Variants in ADGRE1 observed in about 807,000 individuals in gnomAD.
ADGRE1 encodes adhesion G protein-coupled receptor E1.
Under a neutral mutation model 102.7 loss-of-function variants are expected in ADGRE1, and 82 were observed. The observed-to-expected ratio is 0.80, with a 90% confidence interval of 0.67 to 0.96. The LOEUF (loss-of-function observed/expected upper bound fraction) is 0.96, where lower values mean the gene tolerates loss of function less well. ADGRE1 is among the 40% of genes least tolerant of loss of function. The pLI is 0.00. For synonymous variants in ADGRE1, 398 were observed against 399.6 expected (o/e 1.00, Z 0.05); for missense variants, 1,032 against 1,085.3 (o/e 0.95, Z 0.69).
At chr19:6,910,190 T>C (rs1974118800) in intron 10 of ADGRE1, among the ~76,000 whole-genome samples, 1 of 152,108 alleles carries the variant, frequency 6.6e-6, no homozygotes, top group Non-Finnish European at 1.5e-5. Context: ...AAAGTATACA[T>C]TCATCCCTAG....
Position 6,897,042 on chromosome 19 carries a change from T to C in ADGRE1, c.239-107T>C, listed in dbSNP as rs34714136. ...TGACAGAAGAAGTACCAAAGTGAAG[T>C]GCATATGGGATGGGAGATATTGTTT... On this transcript the variant is annotated intron_variant, in intron 3 of 20. Coordinates refer to ENST00000312053, the MANE Select transcript of ADGRE1 (RefSeq NM_001974.5). 2.1e-3 allele frequency: 2,356 copies of C among 1,129,318 alleles called. 51 individuals carry two copies. The African/African-American group carries it at 0.033, about 16-fold the overall frequency. 70.0% of individuals were successfully genotyped at this position (1,129,318 alleles called of 1,614,324 possible).
At chr19:6,902,083 G>T in intron 6 of ADGRE1, 62 bp downstream of exon 6, 1 of 1,589,466 alleles carries the variant, frequency 6.3e-7, no homozygotes, top group Non-Finnish European at 8.6e-7. Context: ...AGCAGTGAGG[G>T]GATTAGGGTG....
rs765451408 is a variant in ADGRE1 at position 6,935,017 on chromosome 19, T to C, written c.2320T>C (p.Trp774Arg). ...CTCCCTTCTCCTGACCTGGACCTTG[T>C]GGATCCTGAGGCAGAGGCTTTCCAG... ...INSLLLTWTL[W>R]ILRQRLSSVN... Residue 774 changes from tryptophan (W) to arginine (R), a missense_variant, in exon 18 of 21, where the codon TGG becomes CGG. Physicochemically the swap from Trp to Arg is moderately radical, Grantham distance 101. Coordinates refer to ENST00000312053, the MANE Select transcript of ADGRE1 (RefSeq NM_001974.5). The C allele has an allele frequency of 8.1e-6, 13 of 1,597,554 alleles. No homozygotes were observed. Among genetic ancestry groups the C allele is most frequent in the Non-Finnish European group, 1.0e-5 (12 of 1,171,264 alleles).
chr19:6,913,695 A>G lies in ADGRE1; in HGVS notation c.1165A>G (p.Thr389Ala), dbSNP rs1368802157. The G allele has an allele frequency of 6.8e-6, 11 of 1,612,522 alleles. No individual in the cohort carries two copies. The African/African-American group carries it at 9.3e-5, about 14-fold the overall frequency. The change falls in exon 11 of 21, where the codon ACG becomes GCG. Residue 389 changes from threonine (T) to alanine (A), a missense_variant. By Grantham distance (58) the Thr-to-Ala change is moderately conservative. Coordinates refer to ENST00000312053, the MANE Select transcript of ADGRE1 (RefSeq NM_001974.5). ...TGTCCCTGTGCTTAAACAAATATCC[A>G]CGTGGACTAAATTCACCAAGGAAGA... Reference protein sequence around the residue: ...SFVPVLKQISTWTKFTKEETS... With the variant: ...SFVPVLKQISAWTKFTKEETS...
chr19:6,910,000 CT>C (rs11333815), intron 10 of ADGRE1, among the ~76,000 whole-genome samples: 22,941 of 152,098 alleles, frequency 0.15, 1,859 homozygotes, highest in Middle Eastern at 0.2. Flanking sequence ...TCCCAAAGTG[CT>C]GGGATTAGAG....
intron 10 of ADGRE1, among the ~76,000 whole-genome samples, chr19:6,911,385 G>GTTTTTTTT (rs772959056): frequency 0.048 from 3,785 of 79,466 alleles, 551 homozygotes; most frequent in Middle Eastern, 0.074. Context: ...ATTCCTTTTA[G>GTTTTTTTT]TTTTTTTTTT....
intron 13 of ADGRE1, among the ~76,000 whole-genome samples, chr19:6,921,511 G>A (rs932490816): frequency 2.0e-5 from 3 of 152,252 alleles, no homozygotes; most frequent in African/African-American, 7.2e-5. Flanking sequence ...GAAAGGAGGA[G>A]TTTTCTTCTA....
At chr19:6,900,214 C>T (rs1973716029) in intron 5 of ADGRE1, among the ~76,000 whole-genome samples, 1 of 151,946 alleles carries the variant, frequency 6.6e-6, no homozygotes, top group Non-Finnish European at 1.5e-5. Flanking sequence ...GTGGCTCACA[C>T]CTGTAATACC....
chr19:6,889,835 G>T (rs1973292059), intron 1 of ADGRE1, among the ~76,000 whole-genome samples: 2 of 150,878 alleles, frequency 1.3e-5, no homozygotes, highest in Non-Finnish European at 2.9e-5. Context: ...AGCTTAAAAA[G>T]ATCTCTTCCT....
At chr19:6,915,363 A>T (rs1181384579) in intron 11 of ADGRE1, among the ~76,000 whole-genome samples, 1 of 152,186 alleles carries the variant, frequency 6.6e-6, no homozygotes, top group Non-Finnish European at 1.5e-5. Context: ...GTATGGTATT[A>T]TCTGGCTTAT....
intron 6 of ADGRE1, among the ~76,000 whole-genome samples, chr19:6,902,809 T>C (rs1370354970): frequency 6.6e-6 from 1 of 152,246 alleles, no homozygotes; most frequent in Non-Finnish European, 1.5e-5. Context: ...TGATCTCAGC[T>C]TACTGCCACC....
intron 17 of ADGRE1, among the ~76,000 whole-genome samples, chr19:6,931,824 A>G (rs1261162290): frequency 6.6e-6 from 1 of 151,950 alleles, no homozygotes; most frequent in African/African-American, 2.4e-5. Context: ...AAGGAACACT[A>G]GTCATATTTC....
intron 5 of ADGRE1, among the ~76,000 whole-genome samples, chr19:6,898,850 G>A (rs1973666370): frequency 6.6e-6 from 1 of 152,024 alleles, no homozygotes; most frequent in African/African-American, 2.4e-5. Flanking sequence ...TTTACTTTGG[G>A]CCTGTGGGTG....
intron 5 of ADGRE1, chr19:6,898,732 T>G: frequency 1.4e-6 from 1 of 717,982 alleles, no homozygotes; most frequent in Non-Finnish European, 2.3e-6. Flanking sequence ...TAATTAAGGG[T>G]CATCTCACTG....
chr19:6,921,191 G>C (rs1056089466), intron 13 of ADGRE1, among the ~76,000 whole-genome samples: 2 of 152,136 alleles, frequency 1.3e-5, no homozygotes, highest in Non-Finnish European at 2.9e-5. Flanking sequence ...GAGGCCCGAG[G>C]CAGGTGAATC....
At chr19:6,939,893 A>G (rs1975600897) in intron 20 of ADGRE1, 131 bp from the exon 21 acceptor site, 1 of 1,105,468 alleles carries the variant, frequency 9.0e-7, no homozygotes, top group Non-Finnish European at 1.3e-6. Flanking sequence ...CGCATTTAAC[A>G]TTTTAGTGTT....
intron 9 of ADGRE1, among the ~76,000 whole-genome samples, chr19:6,906,974 G>A (rs382737): frequency 0.37 from 56,190 of 151,924 alleles, 12,204 homozygotes; most frequent in African/African-American, 0.6. Flanking sequence ...ATAAAAGAAC[G>A]GGAGAATATA....
At position 6,898,286 on chromosome 19, in the gene ADGRE1, T is replaced by C. The variant is rs1973642613; in HGVS notation, c.514+739T>C. On this transcript the variant is annotated intron_variant, in intron 5 of 20. Transcript: ENST00000312053. Reference sequence around the variant, plus strand: ...CTTCTATCTAGTATAAGTGAATTTGTAACTCCAATTCTCTGTCTAGATATT... The same window carrying C: ...CTTCTATCTAGTATAAGTGAATTTGCAACTCCAATTCTCTGTCTAGATATT... The C allele has an allele frequency of 2.5e-6, 4 of 1,592,804 alleles. No homozygotes were observed. The East Asian group carries it at 9.0e-5, about 36-fold the overall frequency.
chr19:6,918,847 C>T (rs1464708234), intron 12 of ADGRE1, among the ~76,000 whole-genome samples: 3 of 151,944 alleles, frequency 2.0e-5, no homozygotes, highest in Non-Finnish European at 4.4e-5. Flanking sequence ...ACCTCGGCCT[C>T]CCGAGTAGCT....
Sources: allele counts gnomAD v4.1 joint callset (sites outside exome capture counted in the v4.1 genomes callset), GRCh38; gene constraint gnomAD v4.1.1; transcripts MANE v1.5; gene names NCBI Gene and HGNC (gene_info 2026-07-23, HGNC 2026-07-21).